The following VPS13C variants were observed in gnomAD, a reference collection of about 807,000 sequenced individuals.
VPS13C encodes vacuolar protein sorting 13 homolog C, also known as intermembrane lipid transfer protein VPS13C.
In VPS13C, 358 loss-of-function variants were observed where a neutral mutation model predicts 456.8. The ratio of observed to expected loss-of-function variants is 0.78; its 90% CI spans 0.72 to 0.86. The LOEUF is 0.86. Ranked by LOEUF, VPS13C falls within the 40% of genes least tolerant of loss-of-function variation. The probability of loss-of-function intolerance (pLI) is 0.00; values close to 1 mark genes in which losing one functional copy is unlikely to be tolerated. For missense variants in VPS13C, 4,818 were observed against 4,385.4 expected (o/e 1.10, Z -2.79); for synonymous variants, 1,578 against 1,486.7 (o/e 1.06, Z -1.41).
intron 69 of VPS13C, among the ~76,000 whole-genome samples, 191 bp from the exon 70 acceptor site, chr15:61,882,019 GGACTA>G (rs1299467280): frequency 8.6e-5 from 13 of 152,038 alleles, no homozygotes; most frequent in African/African-American, 3.1e-4. Flanking sequence ...TTTCAATAAA[GGACTA>G]TATAAATACT....
chr15:62,060,200 G>T, intron 1 of VPS13C, 75 bp downstream of exon 1: 2 of 805,328 alleles, frequency 2.5e-6, no homozygotes, highest in Non-Finnish European at 4.0e-6. Flanking sequence ...CAGGGCCCGG[G>T]CAGAATCCCG....
intron 37 of VPS13C, among the ~76,000 whole-genome samples, chr15:61,955,847 A>G (rs2044975694): frequency 6.6e-6 from 1 of 152,212 alleles, no homozygotes; most frequent in Non-Finnish European, 1.5e-5. Context: ...GTTGTAGAAA[A>G]AAGGGAATAC....
At chr15:61,911,523 T>C (rs1164992158) in intron 63 of VPS13C, among the ~76,000 whole-genome samples, 2 of 152,200 alleles carry the variant, frequency 1.3e-5, no homozygotes, top group Non-Finnish European at 2.9e-5. Flanking sequence ...GCTTCTTGAA[T>C]ATAGAGACAT....
intron 81 of VPS13C, chr15:61,868,026 AACC>A (rs1196799587): frequency 4.1e-6 from 4 of 969,102 alleles, no homozygotes; most frequent in Non-Finnish European, 3.2e-6. Context: ...ATACAATAAA[AACC>A]AAAGGAAGAA....
chr15:61,953,424 G>A (rs2044874150), intron 38 of VPS13C, among the ~76,000 whole-genome samples: 1 of 126,288 alleles, frequency 7.9e-6, no homozygotes, highest in Non-Finnish European at 1.6e-5. Context: ...AGAATGTGAT[G>A]TTCCCCTTCC....
chr15:61,991,966 G>A (rs2046237971), intron 16 of VPS13C, among the ~76,000 whole-genome samples, 164 bp from the exon 17 acceptor site: 1 of 150,806 alleles, frequency 6.6e-6, no homozygotes, highest in South Asian at 2.1e-4. Flanking sequence ...TTAGTTAAAT[G>A]CAGTCTCCCT....
chr15:61,852,477 T>C lies in VPS13C; in HGVS notation c.*1980A>G, dbSNP rs1186905283. The C allele has an allele frequency of 6.6e-6, 1 of 152,226 alleles. No homozygotes were observed. The highest frequency in any genetic ancestry group is 1.5e-5 in the Non-Finnish European group (1 of 68,024). The allele number at this position is 152,226 out of a possible 1,614,324, so 9.4% of individuals were successfully genotyped here. ...CAAAGCATTTTTAAAAAACGCATTA[T>C]TACACTTTACCAATGAATTATTTCT... On this transcript the variant is annotated 3_prime_UTR_variant, in exon 85 of 85. Transcript: ENST00000644861.
intron 16 of VPS13C, among the ~76,000 whole-genome samples, chr15:61,998,183 T>C (rs145702307): frequency 1.3e-5 from 2 of 152,294 alleles, no homozygotes; most frequent in East Asian, 3.9e-4. Flanking sequence ...ACCTTTCCCT[T>C]AGATATCTTT....
chr15:61,990,547 A>C (rs1267069034), intron 18 of VPS13C, among the ~76,000 whole-genome samples: 1 of 152,162 alleles, frequency 6.6e-6, no homozygotes, highest in African/African-American at 2.4e-5. Flanking sequence ...ACGGTGGCTC[A>C]CCCCTGTAAT....
chr15:61,936,785 A>ATAAAAATAATAACTCTAAG (rs2044241690), intron 47 of VPS13C, 35 bp from the exon 48 acceptor site: 4 of 1,561,432 alleles, frequency 2.6e-6, no homozygotes, highest in Non-Finnish European at 3.5e-6. Flanking sequence ...ACTCTAAGTA[A>ATAAAAATAATAACTCTAAG]TAAAAAAAAT....
At chr15:61,907,503 A>T in intron 65 of VPS13C, 113 bp from the exon 66 acceptor site, 5 of 1,325,834 alleles carry the variant, frequency 3.8e-6, no homozygotes, top group Non-Finnish European at 5.1e-6. Flanking sequence ...TGCTGTGGTT[A>T]ATAAAACACA....
At chr15:62,046,435 G>T (rs2048405276) in intron 1 of VPS13C, among the ~76,000 whole-genome samples, 1 of 152,174 alleles carries the variant, frequency 6.6e-6, no homozygotes, top group Non-Finnish European at 1.5e-5. Flanking sequence ...AATATTCCTA[G>T]ATTCAAATCT....
chr15:61,890,045 C>A (rs2042603369), intron 67 of VPS13C, 120 bp downstream of exon 67: 2 of 855,076 alleles, frequency 2.3e-6, no homozygotes, highest in South Asian at 1.8e-5. Flanking sequence ...GTAAGCTTTA[C>A]TGAATAAATA....
intron 22 of VPS13C, among the ~76,000 whole-genome samples, chr15:61,979,501 AT>A (rs1348780878): frequency 6.6e-6 from 1 of 152,224 alleles, no homozygotes; most frequent in Non-Finnish European, 1.5e-5. Context: ...GTAATGCTTT[AT>A]GAAAAATGTA....
chr15:62,048,299 T>C (rs1478028610), intron 1 of VPS13C, among the ~76,000 whole-genome samples: 1 of 119,296 alleles, frequency 8.4e-6, no homozygotes, highest in African/African-American at 3.2e-5. Context: ...TTCCCCTTCC[T>C]GTGTCCATGT....
At chr15:61,974,809 T>C (rs2045655751) in intron 24 of VPS13C, among the ~76,000 whole-genome samples, 1 of 152,198 alleles carries the variant, frequency 6.6e-6, no homozygotes, top group Admixed American at 6.5e-5. Context: ...TATATAGCAC[T>C]TGGCAGCACC....
intron 74 of VPS13C, among the ~76,000 whole-genome samples, chr15:61,878,395 CAAAAAAAACA>C: frequency 6.7e-6 from 1 of 150,058 alleles, no homozygotes; most frequent in East Asian, 2.0e-4. Flanking sequence ...TATGAGTAAT[CAAAAAAAACA>C]AAAAACAAGA....
chr15:62,041,743 C>A (rs544749431), intron 2 of VPS13C, among the ~76,000 whole-genome samples: 3 of 152,028 alleles, frequency 2.0e-5, no homozygotes, highest in African/African-American at 2.4e-5. Context: ...TCGCCTGAAC[C>A]CAGGAGGCAG....
intron 77 of VPS13C, among the ~76,000 whole-genome samples, chr15:61,873,933 C>A (rs138956946): frequency 3.3e-5 from 5 of 150,038 alleles, no homozygotes; most frequent in Non-Finnish European, 5.9e-5. Context: ...TGTCTATCAA[C>A]GGATGAATGG....
Sources: allele counts gnomAD v4.1 joint callset (sites outside exome capture counted in the v4.1 genomes callset), GRCh38; gene constraint gnomAD v4.1.1; transcripts MANE v1.5; gene names NCBI Gene and HGNC (gene_info 2026-07-23, HGNC 2026-07-21).